Variants in PBXIP1 observed in about 807,000 individuals in gnomAD.
PBXIP1 encodes pre-B-cell leukemia transcription factor-interacting protein 1.
In PBXIP1, 73 loss-of-function variants were observed where a neutral mutation model predicts 73.7. The observed-to-expected ratio is 0.99, with a 90% CI of 0.82 to 1.20. The LOEUF (loss-of-function observed/expected upper bound fraction) is 1.20, where lower values mean the gene tolerates loss of function less well. PBXIP1 is among the 50% of genes most tolerant of loss of function. PBXIP1 has a pLI of 0.00. For synonymous variants in PBXIP1, 330 were observed against 366.9 expected, an observed-to-expected ratio of 0.90 and a Z score of 1.15; for missense variants, 818 against 911.4, an observed-to-expected ratio of 0.90 and a Z score of 1.32.
At chr1:154,949,626 C>A (rs992947177) in intron 5 of PBXIP1, among the ~76,000 whole-genome samples, 1 of 152,194 alleles carries the variant, frequency 6.6e-6, no homozygotes, top group Non-Finnish European at 1.5e-5. Context: ...ACAGTGTTAA[C>A]TGATCATGGC....
chr1:154,953,803 G>A, intron 1 of PBXIP1, 46 bp from the exon 2 acceptor site: 1 of 1,275,312 alleles, frequency 7.8e-7, no homozygotes, highest in Admixed American at 2.0e-5. Flanking sequence ...CTTCAGGAGG[G>A]GCAGAATGCA....
At chr1:154,952,773 C>A (rs1330996314) in intron 2 of PBXIP1, among the ~76,000 whole-genome samples, 1 of 152,126 alleles carries the variant, frequency 6.6e-6, no homozygotes, top group East Asian at 1.9e-4. Context: ...GAGGCCAGGG[C>A]TCTGAGAGCC....
Position 154,951,616 on chromosome 1 carries a change from C to A in PBXIP1, c.179-81G>T, listed in dbSNP as rs182483636. The A allele has an allele frequency of 1.3e-6, 2 of 1,493,144 alleles. No individual in the cohort carries two copies. The allele number at this position is 1,493,144 out of a possible 1,614,324, so 92.5% of individuals were successfully genotyped here. On this transcript the variant is annotated intron_variant, in intron 3 of 10. Coordinates refer to ENST00000368463, the MANE Select transcript of PBXIP1 (RefSeq NM_020524.4). This position sits in a 1 kb window ranked among gnomAD's most constrained non-coding sequence, Gnocchi z 4.3. ...CAGCCCTCTGTCCATCCCACGGGCCCCTACCAGGTTGGAAGAGGCAGGAAA... is the reference window on the plus strand; with the variant it reads ...CAGCCCTCTGTCCATCCCACGGGCCACTACCAGGTTGGAAGAGGCAGGAAA...
chr1:154,954,936 G>A, intron 1 of PBXIP1: 3 of 980,342 alleles, frequency 3.1e-6, no homozygotes, highest in Non-Finnish European at 3.6e-6. Flanking sequence ...GTGAGGCTGG[G>A]AGAGTATGGC....
intron 7 of PBXIP1, 125 bp from the exon 8 acceptor site, chr1:154,947,837 G>A: frequency 1.5e-6 from 2 of 1,365,430 alleles, no homozygotes; most frequent in Admixed American, 3.6e-5. Context: ...GGTTTGGTGA[G>A]ATAAAGGGCC....
Position 154,952,069 on chromosome 1 carries a change from G to T in PBXIP1, c.52-148C>A, listed in dbSNP as rs529923030. On this transcript the variant is annotated intron_variant, in intron 2 of 10. Coordinates refer to ENST00000368463, the MANE Select transcript of PBXIP1 (RefSeq NM_020524.4). ...TCGGCATTCCCCAGCCTCACTCACT[G>T]CGAGGAGGAACTTTCAGGGGCCAGG... 1.1e-5 allele frequency: 9 copies of T among 805,008 alleles called. No individual in the cohort carries two copies. The Admixed American group carries it at 1.9e-4, about 17-fold the overall frequency. The allele number at this position is 805,008 out of a possible 1,614,324, so 49.9% of individuals were successfully genotyped here.
In PBXIP1 at chr1:154,946,560, T is replaced by G; in HGVS notation, c.1114A>C (p.Arg372=). 3.7e-6 allele frequency: 6 copies of G among 1,612,910 alleles called. No homozygotes were observed. The highest frequency in any genetic ancestry group is 5.1e-6 in the Non-Finnish European group (6 of 1,180,024). Residue 372 remains arginine (R), a synonymous_variant, in exon 10 of 11, where the codon AGG becomes CGG. Coordinates refer to ENST00000368463, the MANE Select transcript of PBXIP1 (RefSeq NM_020524.4). The stretch of plus-strand genomic sequence containing the variant: ...AAGCTGAGTTCTGGCTCCTGCTCCC[T>G]GGGGCCTTGCTCCCTGATGGCCTTG... ...GDKAIREQGP[R]EQEPELSFLK...
Position 154,946,477 on chromosome 1 carries a change from C to T in PBXIP1, c.1197G>A (p.Glu399=). The part of the protein sequence containing the change: ...AEAQALRQEL[E]RQRRLLGSVQ... ...CAGACCCCAGCAGCCGTCGCTGCCT[C>T]TCTAACTCTTGCCTTAATGCCTGTG... The change falls in exon 10 of 11, where the codon GAG becomes GAA. Residue 399 remains glutamate (E), a synonymous_variant. Transcript: ENST00000368463. 1 of 1,608,792 alleles carries T rather than the reference C, an allele frequency of 6.2e-7. No individual in the cohort carries two copies. Among genetic ancestry groups the T allele is most frequent in the Non-Finnish European group, 8.5e-7 (1 of 1,180,002 alleles).
intron 9 of PBXIP1, 158 bp from the exon 10 acceptor site, chr1:154,946,961 C>T: frequency 3.2e-6 from 2 of 621,692 alleles, no homozygotes; most frequent in Non-Finnish European, 5.5e-6. Context: ...TCCTCCACCC[C>T]ATCTCCATCA....
At chr1:154,953,235 G>C (rs558629392) in intron 2 of PBXIP1, among the ~76,000 whole-genome samples, 1 of 152,238 alleles carries the variant, frequency 6.6e-6, no homozygotes, top group Non-Finnish European at 1.5e-5. Context: ...CCATCAGGAT[G>C]AGGCCTGAAG....
At chr1:154,945,230 G>A in intron 10 of PBXIP1, 113 bp from the exon 11 acceptor site, 2 of 723,292 alleles carry the variant, frequency 2.8e-6, no homozygotes, top group Non-Finnish European at 4.6e-6. Flanking sequence ...GCACCACCAA[G>A]CATATGTGGG....
In PBXIP1 at chr1:154,948,335, G is replaced by C. The variant is rs774924975; in HGVS notation, c.441C>G (p.Ser147Arg). 7.5e-6 allele frequency: 12 copies of C among 1,605,154 alleles called. No homozygotes were observed. The highest frequency in any genetic ancestry group is 9.4e-6 in the Non-Finnish European group (11 of 1,176,046). ...TGTCCACGTCGGTGTCATCGTCACT[G>C]CTGGAGCAGCGGCCCTCCTCCCTGA... Reference protein sequence around the residue: ...AWIREEGRCSSSDDDTDVDME... With the variant: ...AWIREEGRCSRSDDDTDVDME... The change falls in exon 6 of 11, where the codon AGC (serine) becomes AGG (arginine). Residue 147 changes from serine to arginine, a missense_variant. Coordinates refer to ENST00000368463, the MANE Select transcript of PBXIP1 (RefSeq NM_020524.4).
rs748296376 is a variant in PBXIP1, at chr1:154,946,532, A to T, written c.1142T>A (p.Leu381Gln). The T allele has an allele frequency of 5.6e-6, 9 of 1,611,614 alleles. No homozygotes were observed. The highest frequency in any genetic ancestry group is 5.1e-6 in the Non-Finnish European group (6 of 1,180,022). Reference protein sequence around the residue: ...PREQEPELSFLKQKEQLEAEA... With the variant: ...PREQEPELSFQKQKEQLEAEA... ...AGCCTCCAGCTGTTCCTTCTGCTTC[A>T]GGAAGCTGAGTTCTGGCTCCTGCTC... The change falls in exon 10 of 11, where the codon CTG becomes CAG. Residue 381 changes from leucine to glutamine, a missense_variant. Transcript: ENST00000368463.
At chr1:154,954,904 A>G (rs930415716) in intron 1 of PBXIP1, 1 of 916,124 alleles carries the variant, frequency 1.1e-6, no homozygotes, top group African/African-American at 1.8e-5. Flanking sequence ...AGCACTTTAT[A>G]AGAAAACTCA....
Position 154,946,469 on chromosome 1 carries a change from C to T in PBXIP1, c.1205G>A (p.Arg402Gln). The T allele has an allele frequency of 4.4e-6, 7 of 1,608,376 alleles. No homozygotes were observed. Among genetic ancestry groups the T allele is most frequent in the South Asian group, 3.3e-5 (3 of 91,090 alleles). Residue 402 changes from arginine (R) to glutamine (Q), a missense_variant, in exon 10 of 11, where the codon CGA (arginine) becomes CAA (glutamine). Physicochemically the swap from Arg to Gln is conservative, Grantham distance 43. Transcript: ENST00000368463. ...CTGCTGTACAGACCCCAGCAGCCGT[C>T]GCTGCCTCTCTAACTCTTGCCTTAA... is the stretch of plus-strand genomic sequence containing the variant. ...QALRQELERQRRLLGSVQQDL... is the reference protein window; with the variant it reads ...QALRQELERQQRLLGSVQQDL...
chr1:154,954,891 C>T, intron 1 of PBXIP1: 1 of 782,466 alleles, frequency 1.3e-6, no homozygotes, highest in Non-Finnish European at 1.6e-6. Context: ...TGACTGCTTC[C>T]CGAGCACTTT....
At position 154,953,513 on chromosome 1, in the gene PBXIP1, T is replaced by C. The variant is rs1218593; in HGVS notation, c.51+158A>G. Among the ~76,000 whole-genome samples, 2,961 of 152,232 alleles carry C rather than the reference T, an allele frequency of 0.019. 48 individuals are homozygous for C. The highest frequency in any genetic ancestry group is 0.052 in the South Asian group (249 of 4,812). Reference sequence around the variant, plus strand: ...CCAACACCTGACCCCTGGGGCCTGATCTACTTCTTCCTGCTACTGGAATTC... The same window carrying C: ...CCAACACCTGACCCCTGGGGCCTGACCTACTTCTTCCTGCTACTGGAATTC... On this transcript the variant is annotated intron_variant, in intron 2 of 10. Transcript: ENST00000368463.
Position 154,951,451 on chromosome 1 carries a change from C to T in PBXIP1, c.243+20G>A, listed in dbSNP as rs1232508147. On this transcript the variant is annotated intron_variant, in intron 4 of 10. Coordinates refer to ENST00000368463, the MANE Select transcript of PBXIP1 (RefSeq NM_020524.4). The surrounding 1 kb of genome is among the most constrained non-coding windows in gnomAD (Gnocchi z 4.3). Reference sequence around the variant, plus strand: ...CTAGCCCTCCCCGCCTCCCTTCCTTCCCACAGCAAATCTCCTCACCTTGAC... The same window carrying T: ...CTAGCCCTCCCCGCCTCCCTTCCTTTCCACAGCAAATCTCCTCACCTTGAC... 1.9e-6 allele frequency: 3 copies of T among 1,614,050 alleles called. No homozygotes were observed. The highest frequency in any genetic ancestry group is 4.5e-5 in the East Asian group (2 of 44,886).
At position 154,944,527 on chromosome 1, in the gene PBXIP1, A is replaced by AG. The variant is rs61674317; in HGVS notation, c.*496dup. 0.015 allele frequency: 2,229 copies of AG among 148,588 alleles called. 24 individuals carry two copies. The highest frequency in any genetic ancestry group is 0.077 in the Middle Eastern group (22 of 286). The allele number at this position is 148,588 out of a possible 1,614,324, so 9.2% of individuals were successfully genotyped here. A position where few individuals can be genotyped will look rare whatever the true frequency, so the allele number is the denominator to read the frequency against. ...GGGAGAAGCAGGGGTAAAAAAAAAA[A>AG]GGGGGGGGACTTCACCCCCTAGGGA... is the stretch of plus-strand genomic sequence containing the variant. On this transcript the variant is annotated 3_prime_UTR_variant, in exon 11 of 11. Transcript: ENST00000368463.
Sources: allele counts gnomAD v4.1 joint callset (sites outside exome capture counted in the v4.1 genomes callset), GRCh38; gene constraint gnomAD v4.1.1; non-coding constraint Gnocchi (gnomAD v3.1); transcripts MANE v1.5; gene names NCBI Gene and HGNC (gene_info 2026-07-23, HGNC 2026-07-21).